ZFYVE9: variants seen among roughly 807,000 people sequenced by gnomAD.
ZFYVE9 encodes zinc finger FYVE-type containing 9.
In ZFYVE9, 43 loss-of-function variants were observed where a neutral mutation model predicts 126.7. That is an observed-to-expected ratio of 0.34 (90% CI 0.27 to 0.44). The LOEUF (loss-of-function observed/expected upper bound fraction) is 0.44, where lower values mean the gene tolerates loss of function less well. Among genes scored for constraint, ZFYVE9 ranks in the 20% least tolerant of loss-of-function variants. ZFYVE9 has a pLI of 1.00. For synonymous variants in ZFYVE9, 521 were observed against 597.4 expected, an observed-to-expected ratio of 0.87 and a Z score of 1.87; for missense variants, 1,476 against 1,697.0, an observed-to-expected ratio of 0.87 and a Z score of 2.29.
chr1:52,291,885 CAAA>C (rs1171027696), intron 10 of ZFYVE9, among the ~76,000 whole-genome samples: 7 of 58,738 alleles, frequency 1.2e-4, no homozygotes, highest in East Asian at 9.0e-4. Context: ...GACTCTGTCT[CAAA>C]AAAAAAAAAA....
intron 1 of ZFYVE9, among the ~76,000 whole-genome samples, chr1:52,155,234 CTTTTTTTT>C (rs202048189): frequency 3.1e-5 from 4 of 129,114 alleles, no homozygotes; most frequent in African/African-American, 1.2e-4. Context: ...TCTTTTTTTT[CTTTTTTTT>C]TTTTTTTTTT....
chr1:52,151,410 G>T (rs1251179088), intron 1 of ZFYVE9, among the ~76,000 whole-genome samples: 1 of 151,996 alleles, frequency 6.6e-6, no homozygotes, highest in Non-Finnish European at 1.5e-5. Flanking sequence ...CCACATTGAT[G>T]ATTCAAACTT....
rs547137434 is a variant in ZFYVE9 at position 52,255,500 on chromosome 1, G to T, written c.2179-8273G>T. Among the ~76,000 whole-genome samples, 3 of 150,988 alleles carry T rather than the reference G, an allele frequency of 2.0e-5. No homozygotes were observed. In the East Asian group the frequency reaches 5.9e-4, roughly 30 times the overall value. ...CTCAGGGGGCTGAGGCAGGAGAATC[G>T]CTTGAACCTGGGAGGCGGCGGTTGC... On this transcript the variant is annotated intron_variant, in intron 4 of 18. Transcript: ENST00000287727.
intron 13 of ZFYVE9, among the ~76,000 whole-genome samples, chr1:52,313,759 T>G (rs939022637): frequency 6.6e-6 from 1 of 152,078 alleles, no homozygotes. Context: ...ATGGGCACAT[T>G]AAGGAGAGCT....
At chr1:52,156,957 C>G (rs970620771) in intron 1 of ZFYVE9, among the ~76,000 whole-genome samples, 1 of 151,998 alleles carries the variant, frequency 6.6e-6, no homozygotes, top group African/African-American at 2.4e-5. Flanking sequence ...CTCAGCCTCC[C>G]GAGTAGCTGG....
chr1:52,215,529 A>G (rs1440419218), intron 1 of ZFYVE9, among the ~76,000 whole-genome samples: 1 of 152,236 alleles, frequency 6.6e-6, no homozygotes, highest in East Asian at 1.9e-4. Flanking sequence ...TATCTTTAAA[A>G]TTAAGTAGTG....
rs545444063 is a variant in ZFYVE9 at position 52,155,336 on chromosome 1, G to A, written c.-143+12933G>A. Among the ~76,000 whole-genome samples, 41 of 150,168 alleles carry A rather than the reference G, an allele frequency of 2.7e-4. No homozygotes were observed. In the East Asian group the frequency reaches 4.9e-3, roughly 18 times the overall value. On this transcript the variant is annotated intron_variant, in intron 1 of 18. Coordinates refer to ENST00000287727, the MANE Select transcript of ZFYVE9 (RefSeq NM_004799.4). ...GCAGGCTCCGCCCCCCGGGGTTCAT[G>A]CCATTCTCCTGCCTCAGCCTCCCGA...
chr1:52,325,469 G>C (rs1409369382), intron 13 of ZFYVE9, among the ~76,000 whole-genome samples: 2 of 152,192 alleles, frequency 1.3e-5, no homozygotes, highest in Non-Finnish European at 2.9e-5. Context: ...GCAGTGAGCA[G>C]TGATCATGCC....
At chr1:52,300,408 G>GAT (rs1418853253) in intron 12 of ZFYVE9, among the ~76,000 whole-genome samples, 2 of 151,860 alleles carry the variant, frequency 1.3e-5, no homozygotes, top group Non-Finnish European at 2.9e-5. Flanking sequence ...TGGCTGATAT[G>GAT]GTGTAACCCC....
chr1:52,210,827 G>A (rs1474600043), intron 1 of ZFYVE9, among the ~76,000 whole-genome samples: 1 of 152,114 alleles, frequency 6.6e-6, no homozygotes, highest in East Asian at 1.9e-4. Flanking sequence ...GCTAATTTTT[G>A]TATTTTTAGT....
intron 13 of ZFYVE9, among the ~76,000 whole-genome samples, chr1:52,328,637 A>C (rs771752126): frequency 1.3e-5 from 2 of 152,190 alleles, no homozygotes; most frequent in Non-Finnish European, 2.9e-5. Context: ...AAAATTAGAA[A>C]CCACTTTAGC....
At chr1:52,308,848 A>G (rs907077572) in intron 13 of ZFYVE9, among the ~76,000 whole-genome samples, 5 of 152,226 alleles carry the variant, frequency 3.3e-5, no homozygotes, top group Admixed American at 6.5e-5. Flanking sequence ...ATGAGGGACT[A>G]TGTCTATCTT....
rs1645292799 is a variant in ZFYVE9 at position 52,238,079 on chromosome 1, CAG to C, written c.665_666del (p.Glu222GlyfsTer5). 1.2e-6 allele frequency: 2 copies of C among 1,613,802 alleles called. No homozygotes were observed. Among genetic ancestry groups the C allele is most frequent in the South Asian group, 1.1e-5 (1 of 91,082 alleles). ...ATGGATCCATTGAATAGACCGAAAACAGAGGGGAGATCTGTTAACCATCTGTG... is the reference window on the plus strand; with the variant it reads ...ATGGATCCATTGAATAGACCGAAAACAGGGGAGATCTGTTAACCATCTGTG... On this transcript the variant is annotated frameshift_variant, in exon 4 of 19. Coordinates refer to ENST00000287727, the MANE Select transcript of ZFYVE9 (RefSeq NM_004799.4). LOFTEE classifies it high-confidence loss of function.
At chr1:52,265,220 G>A (rs772207322) in intron 5 of ZFYVE9, among the ~76,000 whole-genome samples, 1 of 152,058 alleles carries the variant, frequency 6.6e-6, no homozygotes, top group Non-Finnish European at 1.5e-5. Context: ...GCTTAGCCCG[G>A]TCTTTTTCTT....
At chr1:52,188,009 A>G (rs1256314872) in intron 1 of ZFYVE9, among the ~76,000 whole-genome samples, 1 of 152,270 alleles carries the variant, frequency 6.6e-6, no homozygotes, top group Non-Finnish European at 1.5e-5. Context: ...TTGTTCTAGC[A>G]TAAAGACACA....
intron 10 of ZFYVE9, 65 bp downstream of exon 10, chr1:52,281,881 A>T: frequency 1.9e-6 from 3 of 1,574,200 alleles, no homozygotes; most frequent in Non-Finnish European, 2.6e-6. Flanking sequence ...GAATTCAAAT[A>T]CAAAATAATA....
chr1:52,157,296 C>T (rs1331034994), intron 1 of ZFYVE9, among the ~76,000 whole-genome samples: 1 of 151,882 alleles, frequency 6.6e-6, no homozygotes, highest in African/African-American at 2.4e-5. Context: ...CACCCTCAGC[C>T]TCCTGCTTAT....
chr1:52,293,120 T>C (rs1645939080), intron 10 of ZFYVE9, among the ~76,000 whole-genome samples: 1 of 152,080 alleles, frequency 6.6e-6, no homozygotes, highest in South Asian at 2.1e-4. Flanking sequence ...GGCTCATGCC[T>C]GTAATCCCAG....
At chr1:52,237,445 A>G in intron 3 of ZFYVE9, 43 bp from the exon 4 acceptor site, 2 of 1,488,402 alleles carry the variant, frequency 1.3e-6, no homozygotes. Context: ...AAGCTTTTCC[A>G]GTGTTACAAG....
Sources: gnomAD v4.1 joint callset for allele counts (sites outside exome capture counted in the v4.1 genomes callset) on GRCh38, gnomAD v4.1.1 for gene constraint, MANE v1.5 for transcripts, NCBI Gene and HGNC (gene_info 2026-07-23, HGNC 2026-07-21) for gene names.